TTC7A: variants seen among roughly 807,000 people sequenced by gnomAD.
TTC7A encodes the protein tetratricopeptide repeat domain 7A.
Under a neutral mutation model 103.7 loss-of-function variants are expected in TTC7A, and 110 were observed. That is an observed-to-expected ratio of 1.06 (90% confidence interval 0.91 to 1.24). The LOEUF is 1.24. Ranked by LOEUF, TTC7A falls within the 50% of genes most tolerant of loss-of-function variation. The probability of loss-of-function intolerance (pLI) is 0.00; values close to 1 mark genes in which losing one functional copy is unlikely to be tolerated. For synonymous variants in TTC7A, 521 were observed against 467.9 expected, an observed-to-expected ratio of 1.11 and a Z score of -1.47; for missense variants, 1,340 against 1,116.3, an observed-to-expected ratio of 1.20 and a Z score of -2.86.
intron 16 of TTC7A, 107 bp from the exon 17 acceptor site, chr2:47,049,842 T>A (rs978863916): frequency 2.5e-6 from 2 of 800,794 alleles, no homozygotes; most frequent in Non-Finnish European, 4.2e-6. Flanking sequence ...GGAGTGAGGC[T>A]GTCCCATTCT....
intron 18 of TTC7A, among the ~76,000 whole-genome samples, chr2:47,053,180 C>A (rs369149358): frequency 6.6e-6 from 1 of 152,044 alleles, no homozygotes; most frequent in Admixed American, 6.6e-5. Context: ...TGGGGGTGGG[C>A]GGAGGCTGCA....
chr2:47,074,268 C>T lies in TTC7A; in HGVS notation c.*345C>T, dbSNP rs367695417. 29 of 346,336 alleles carry T rather than the reference C, an allele frequency of 8.4e-5. No individual in the cohort carries two copies. The highest frequency in any genetic ancestry group is 5.2e-4 in the African/African-American group (25 of 47,740). The allele number at this position is 346,336 out of a possible 1,614,324, so 21.5% of individuals were successfully genotyped here. A position where few individuals can be genotyped will look rare whatever the true frequency, so the allele number is the denominator to read the frequency against. ...TTGGAGTCTGGGTGGGGGGTTCTCA[C>T]TCCCCACTCTCAGCACAGTACAGAC... On this transcript the variant is annotated 3_prime_UTR_variant, in exon 20 of 20. Coordinates refer to ENST00000319190, the MANE Select transcript of TTC7A (RefSeq NM_020458.4).
At chr2:47,063,967 AC>A (rs1157614916) in intron 19 of TTC7A, among the ~76,000 whole-genome samples, 1 of 152,120 alleles carries the variant, frequency 6.6e-6, no homozygotes, top group Non-Finnish European at 1.5e-5. Flanking sequence ...GGGGCTGGGG[AC>A]CCCATGTTTC....
intron 1 of TTC7A, chr2:46,942,001 A>G (rs1670458290): frequency 1.1e-5 from 6 of 562,874 alleles, no homozygotes; most frequent in East Asian, 3.0e-5. Context: ...TGGTATCTGC[A>G]TATCATGAGA....
intron 5 of TTC7A, among the ~76,000 whole-genome samples, chr2:46,990,457 C>A (rs934618699): frequency 5.3e-5 from 8 of 152,188 alleles, no homozygotes; most frequent in Admixed American, 1.3e-4. Context: ...AAGGTGGTCA[C>A]AAAGCCGAAG....
At chr2:47,040,043 G>A (rs1681563509) in intron 15 of TTC7A, among the ~76,000 whole-genome samples, 1 of 152,224 alleles carries the variant, frequency 6.6e-6, no homozygotes, top group Admixed American at 6.5e-5. Context: ...CAGATGGCAT[G>A]GGAGTCGGCA....
exon 1 of TTC7A, chr2:46,916,193 C>T (rs1265687720): frequency 2.1e-5 from 21 of 979,378 alleles, no homozygotes; most frequent in Non-Finnish European, 2.5e-5. Flanking sequence ...TCTCTTGGTT[C>T]GTCCTGCTGC....
chr2:46,996,163 TGAG>T (rs1676158931), intron 8 of TTC7A, among the ~76,000 whole-genome samples: 1 of 152,044 alleles, frequency 6.6e-6, no homozygotes. Flanking sequence ...GCTGTGTGGT[TGAG>T]GAGGTGGTAA....
intron 15 of TTC7A, among the ~76,000 whole-genome samples, chr2:47,031,605 G>A (rs1242864911): frequency 6.6e-6 from 1 of 152,246 alleles, no homozygotes; most frequent in Non-Finnish European, 1.5e-5. Context: ...ATTTCCTAAT[G>A]AAATCTTCCT....
intron 8 of TTC7A, among the ~76,000 whole-genome samples, chr2:46,997,052 C>A (rs1676276753): frequency 6.6e-6 from 1 of 152,142 alleles, no homozygotes; most frequent in African/African-American, 2.4e-5. Flanking sequence ...GATCCTGGCT[C>A]ACTGCAACCT....
At chr2:47,054,369 AG>A (rs1189217699) in intron 18 of TTC7A, among the ~76,000 whole-genome samples, 1 of 152,120 alleles carries the variant, frequency 6.6e-6, no homozygotes, top group Non-Finnish European at 1.5e-5. Flanking sequence ...TCACATTCCA[AG>A]GCAAACGATT....
chr2:46,965,555 C>T (rs1279918916), intron 3 of TTC7A, among the ~76,000 whole-genome samples: 1 of 147,334 alleles, frequency 6.8e-6, no homozygotes. Context: ...TCCGTTTTCC[C>T]TGGATTCATT....
At chr2:47,045,372 C>T (rs1682205321) in intron 15 of TTC7A, among the ~76,000 whole-genome samples, 1 of 152,176 alleles carries the variant, frequency 6.6e-6, no homozygotes. Flanking sequence ...TCATGACTGG[C>T]CTGTGAGAAG....
chr2:47,071,451 T>C (rs1411381908), intron 19 of TTC7A, among the ~76,000 whole-genome samples: 1 of 152,122 alleles, frequency 6.6e-6, no homozygotes. Flanking sequence ...GACCCTCTGC[T>C]CATCTTGAAG....
intron 18 of TTC7A, among the ~76,000 whole-genome samples, chr2:47,058,903 T>A (rs916981854): frequency 2.0e-5 from 3 of 150,150 alleles, no homozygotes; most frequent in Non-Finnish European, 4.4e-5. Flanking sequence ...CCCAAAGGGG[T>A]GTGTGTCTGC....
chr2:47,005,638 C>T (rs1046733200), intron 8 of TTC7A, among the ~76,000 whole-genome samples: 1 of 152,184 alleles, frequency 6.6e-6, no homozygotes, highest in Non-Finnish European at 1.5e-5. Context: ...TGCAACTTTT[C>T]TGTAGGCTTG....
chr2:46,979,925 C>T (rs771200495), intron 5 of TTC7A, among the ~76,000 whole-genome samples: 12 of 152,280 alleles, frequency 7.9e-5, no homozygotes, highest in East Asian at 1.9e-4. Context: ...GTCCCCCGTG[C>T]GTAGTCACGC....
At chr2:47,030,065 G>T (rs1469862785) in intron 15 of TTC7A, among the ~76,000 whole-genome samples, 2 of 152,212 alleles carry the variant, frequency 1.3e-5, no homozygotes, top group African/African-American at 4.8e-5. Flanking sequence ...GCCCCTAAGG[G>T]CAGGTGACAC....
At chr2:46,951,488 T>TA (rs955244434) in intron 2 of TTC7A, 95 of 436,912 alleles carry the variant, frequency 2.2e-4, no homozygotes, top group South Asian at 2.5e-4. Flanking sequence ...GGGGAGGGGG[T>TA]AAAAAAAAAC....
Sources: allele counts gnomAD v4.1 joint callset (sites outside exome capture counted in the v4.1 genomes callset), GRCh38; gene constraint gnomAD v4.1.1; transcripts MANE v1.5; gene names NCBI Gene and HGNC (gene_info 2026-07-23, HGNC 2026-07-21).